PRDM6: variants seen among roughly 807,000 people sequenced by gnomAD.
PRDM6 encodes the protein putative histone-lysine N-methyltransferase PRDM6.
In PRDM6, 25 loss-of-function variants were observed where a neutral mutation model predicts 60.8. That is an observed-to-expected ratio of 0.41 (90% CI 0.30 to 0.57). The LOEUF is 0.57. PRDM6 is among the 20% of genes least tolerant of loss of function. The probability of loss-of-function intolerance (pLI) is 0.27; values close to 1 mark genes in which losing one functional copy is unlikely to be tolerated. For synonymous variants in PRDM6, 407 were observed against 357.4 expected (o/e 1.14, Z -1.57); for missense variants, 839 against 821.3 (o/e 1.02, Z -0.26).
At chr5:123,159,426 G>A (rs773183747) in intron 4 of PRDM6, 88 bp from the exon 5 acceptor site, 153 of 1,451,004 alleles carry the variant, frequency 1.1e-4, no homozygotes, top group Middle Eastern at 7.2e-4. Context: ...ATGGAGCTGC[G>A]TAGAACTTTT....
chr5:123,129,995 C>G (rs1247715282), intron 3 of PRDM6, among the ~76,000 whole-genome samples: 4 of 150,426 alleles, frequency 2.7e-5, no homozygotes, highest in Admixed American at 6.6e-5. Context: ...CTTTCCCTTC[C>G]CATTTCCCTT....
intron 5 of PRDM6, among the ~76,000 whole-genome samples, chr5:123,161,383 A>G (rs1283613201): frequency 6.6e-6 from 1 of 152,212 alleles, no homozygotes; most frequent in Non-Finnish European, 1.5e-5. Context: ...CAACAGATAT[A>G]TAAGTGAATA....
intron 2 of PRDM6, among the ~76,000 whole-genome samples, chr5:123,097,343 A>G (rs1214894197): frequency 6.6e-6 from 1 of 152,152 alleles, no homozygotes. Flanking sequence ...TTGAGTCATG[A>G]GTTTGAATGT....
At chr5:123,107,351 T>A (rs1190804070) in intron 3 of PRDM6, among the ~76,000 whole-genome samples, 1 of 152,238 alleles carries the variant, frequency 6.6e-6, no homozygotes, top group East Asian at 1.9e-4. Flanking sequence ...GTCAATTAAT[T>A]TTAGAAGGCC....
chr5:123,154,483 A>G (rs1429724518), intron 3 of PRDM6, among the ~76,000 whole-genome samples: 1 of 152,086 alleles, frequency 6.6e-6, no homozygotes, highest in Non-Finnish European at 1.5e-5. Context: ...GGGGTTGGAG[A>G]GGAATGAGTT....
chr5:123,095,151 G>C (rs1236365332), intron 2 of PRDM6, among the ~76,000 whole-genome samples: 1 of 152,220 alleles, frequency 6.6e-6, no homozygotes, highest in Non-Finnish European at 1.5e-5. Flanking sequence ...TTCTAGACCC[G>C]CTCCCGGGGC....
At chr5:123,178,260 T>C (rs1403226854) in intron 6 of PRDM6, among the ~76,000 whole-genome samples, 3 of 152,192 alleles carry the variant, frequency 2.0e-5, no homozygotes, top group Non-Finnish European at 2.9e-5. Flanking sequence ...GTGATAGCCA[T>C]TAAAAATAGA....
chr5:123,161,604 C>G (rs529383840), intron 5 of PRDM6, among the ~76,000 whole-genome samples: 1 of 152,102 alleles, frequency 6.6e-6, no homozygotes, highest in South Asian at 2.1e-4. Flanking sequence ...AGTTATAAGT[C>G]CCAAGATGGG....
intron 3 of PRDM6, among the ~76,000 whole-genome samples, chr5:123,148,039 A>G (rs1267136711): frequency 6.6e-6 from 1 of 152,336 alleles, no homozygotes; most frequent in Admixed American, 6.5e-5. Flanking sequence ...ATTTCTTCAC[A>G]TGGCCGGCTC....
intron 5 of PRDM6, among the ~76,000 whole-genome samples, chr5:123,169,940 C>T (rs1296178448): frequency 6.6e-6 from 1 of 152,158 alleles, no homozygotes. Context: ...CACTTGGTTG[C>T]CTCCTACTCT....
chr5:123,136,902 T>C (rs1764969826), intron 3 of PRDM6, among the ~76,000 whole-genome samples: 1 of 152,206 alleles, frequency 6.6e-6, no homozygotes, highest in Admixed American at 6.5e-5. Flanking sequence ...ATCCCAAGTT[T>C]GCATTGTGGT....
intron 3 of PRDM6, among the ~76,000 whole-genome samples, chr5:123,111,675 G>A (rs539278877): frequency 6.5e-5 from 9 of 139,474 alleles, no homozygotes; most frequent in South Asian, 4.7e-4. Context: ...TCCAGCAGGG[G>A]CGACAGAGCG....
At chr5:123,175,504 G>T (rs904456481) in intron 6 of PRDM6, among the ~76,000 whole-genome samples, 6 of 152,180 alleles carry the variant, frequency 3.9e-5, no homozygotes, top group African/African-American at 1.4e-4. Flanking sequence ...CATCCCCCAA[G>T]TGTGAAGGTT....
At chr5:123,154,947 C>T (rs78665350) in intron 3 of PRDM6, among the ~76,000 whole-genome samples, 168 of 152,280 alleles carry the variant, frequency 1.1e-3, no homozygotes, top group Non-Finnish European at 1.8e-3. Flanking sequence ...GGATACATGA[C>T]CGCCTCATCT....
intron 3 of PRDM6, among the ~76,000 whole-genome samples, chr5:123,143,517 T>C (rs1765168988): frequency 6.6e-6 from 1 of 152,188 alleles, no homozygotes; most frequent in Non-Finnish European, 1.5e-5. Context: ...GCAAACCTTG[T>C]GTCCCAGACA....
At chr5:123,127,654 GA>G (rs1259940063) in intron 3 of PRDM6, among the ~76,000 whole-genome samples, 1 of 152,166 alleles carries the variant, frequency 6.6e-6, no homozygotes, top group Admixed American at 6.5e-5. Flanking sequence ...TGCTTTTAGA[GA>G]AATGCTATTC....
chr5:123,187,318 G>T lies in PRDM6; in HGVS notation c.*117G>T. On this transcript the variant is annotated 3_prime_UTR_variant, in exon 8 of 8. Transcript: ENST00000407847. ...TTCAATCAGTCCCAGAAAACCAAAA[G>T]CAGTAATAAAATAAGTAAGATGTTA... 2.9e-6 allele frequency: 2 copies of T among 686,060 alleles called. No individual in the cohort carries two copies. The highest frequency in any genetic ancestry group is 2.6e-6 in the Non-Finnish European group (1 of 390,668). 42.5% of individuals were successfully genotyped at this position (686,060 alleles called of 1,614,324 possible). A position where few individuals can be genotyped will look rare whatever the true frequency, so the allele number is the denominator to read the frequency against.
At chr5:123,104,652 C>A (rs1037900989) in intron 3 of PRDM6, among the ~76,000 whole-genome samples, 4 of 152,126 alleles carry the variant, frequency 2.6e-5, no homozygotes, top group Middle Eastern at 3.2e-3. Flanking sequence ...CAAATAATTT[C>A]TCCTTAAAAA....
At position 123,172,543 on chromosome 5, in the gene PRDM6, C is replaced by T. The variant is rs538905959; in HGVS notation, c.1496+1435C>T. Reference sequence around the variant, plus strand: ...AAGATATTTTTCAAAATTTGCCTTCCTTGCAAGTATACGTAGAACCTCAAG... The same window carrying T: ...AAGATATTTTTCAAAATTTGCCTTCTTTGCAAGTATACGTAGAACCTCAAG... On this transcript the variant is annotated intron_variant, in intron 6 of 7. Transcript: ENST00000407847. 3.9e-5 allele frequency among the ~76,000 whole-genome samples: 6 copies of T among 152,258 alleles called. No individual in the cohort carries two copies. The South Asian group carries it at 1.2e-3, about 32-fold the overall frequency.
Sources: allele counts gnomAD v4.1 joint callset (sites outside exome capture counted in the v4.1 genomes callset), GRCh38; gene constraint gnomAD v4.1.1; transcripts MANE v1.5; gene names NCBI Gene and HGNC (gene_info 2026-07-23, HGNC 2026-07-21).